CAP2: variants seen among roughly 807,000 people sequenced by gnomAD.
The protein encoded by CAP2 is cyclase associated actin cytoskeleton regulatory protein 2.
Under a neutral mutation model 57.7 loss-of-function variants are expected in CAP2, and 24 were observed. The ratio of observed to expected loss-of-function variants is 0.42; its 90% CI spans 0.30 to 0.58. The LOEUF is 0.58. Among genes scored for constraint, CAP2 ranks in the 20% least tolerant of loss-of-function variants. The probability of loss-of-function intolerance (pLI) is 0.22; values close to 1 mark genes in which losing one functional copy is unlikely to be tolerated. For synonymous variants in CAP2, 194 were observed against 207.2 expected (o/e 0.94, Z 0.55); for missense variants, 501 against 590.3 (o/e 0.85, Z 1.57).
At chr6:17,487,750 C>G (rs1761453595) in intron 4 of CAP2, among the ~76,000 whole-genome samples, 2 of 152,146 alleles carry the variant, frequency 1.3e-5, no homozygotes, top group Non-Finnish European at 2.9e-5. Context: ...GGATTTCAGA[C>G]ATGAGCCACC....
At chr6:17,505,815 C>T (rs940864281) in intron 4 of CAP2, among the ~76,000 whole-genome samples, 2 of 152,172 alleles carry the variant, frequency 1.3e-5, no homozygotes, top group Non-Finnish European at 2.9e-5. Context: ...TTTAAAGCAA[C>T]TGTGGTATTC....
intron 7 of CAP2, among the ~76,000 whole-genome samples, chr6:17,535,432 G>A (rs1447141124): frequency 1.3e-5 from 2 of 151,902 alleles, no homozygotes; most frequent in African/African-American, 4.8e-5. Context: ...CCACCACCAC[G>A]CCAGGCTAAT....
chr6:17,541,063 A>G lies in CAP2; in HGVS notation c.917A>G (p.His306Arg), dbSNP rs1197066066. The G allele has an allele frequency of 1.9e-6, 3 of 1,613,984 alleles. No individual in the cohort carries two copies. Among genetic ancestry groups the G allele is most frequent in the African/African-American group, 2.7e-5 (2 of 74,922 alleles). ...CAAACTCAATCTCCCACCAAAAGTC[A>G]CACTCCAAGTCCCACATCTCCTAAA... ...GGQTQSPTKS[H>R]TPSPTSPKSY... Residue 306 changes from histidine (H) to arginine (R), a missense_variant, in exon 9 of 13, where the codon CAC becomes CGC. Physicochemically the swap from His to Arg is conservative, Grantham distance 29. Transcript: ENST00000229922.
At chr6:17,524,935 C>G (rs1463780460) in intron 7 of CAP2, among the ~76,000 whole-genome samples, 2 of 149,484 alleles carry the variant, frequency 1.3e-5, no homozygotes, top group Admixed American at 1.3e-4. Context: ...CTCTTGTCAC[C>G]CAGGCTGGAG....
At chr6:17,428,321 A>G (rs989709297) in intron 3 of CAP2, among the ~76,000 whole-genome samples, 5 of 152,188 alleles carry the variant, frequency 3.3e-5, no homozygotes, top group African/African-American at 1.2e-4. Context: ...GCATTCATTT[A>G]GTGAAAATCG....
Position 17,542,980 on chromosome 6 carries a change from C to T in CAP2, c.1126+20C>T. ...TAATTGGTAGGGCAGAATTATGGCTCTATGGTTATTATGATGTTTTATAAA... is the reference window on the plus strand; with the variant it reads ...TAATTGGTAGGGCAGAATTATGGCTTTATGGTTATTATGATGTTTTATAAA... On this transcript the variant is annotated intron_variant, in intron 10 of 12. Transcript: ENST00000229922. 6.2e-7 allele frequency: 1 copy of T among 1,613,154 alleles called. No homozygotes were observed. The highest frequency in any genetic ancestry group is 8.5e-7 in the Non-Finnish European group (1 of 1,179,258).
At chr6:17,545,946 TG>T (rs1468506790) in intron 11 of CAP2, among the ~76,000 whole-genome samples, 1 of 152,264 alleles carries the variant, frequency 6.6e-6, no homozygotes, top group African/African-American at 2.4e-5. Context: ...CTATCATTGT[TG>T]GACATTTGGG....
intron 1 of CAP2, among the ~76,000 whole-genome samples, chr6:17,406,756 C>T (rs1758989974): frequency 1.3e-5 from 2 of 152,224 alleles, no homozygotes; most frequent in South Asian, 2.1e-4. Flanking sequence ...CCACACAGTT[C>T]TGTGACTACG....
intron 1 of CAP2, among the ~76,000 whole-genome samples, chr6:17,410,378 C>T (rs1294967943): frequency 6.6e-6 from 1 of 152,098 alleles, no homozygotes; most frequent in Non-Finnish European, 1.5e-5. Flanking sequence ...TTTAAGAAGG[C>T]TCACCTCTCC....
intron 3 of CAP2, among the ~76,000 whole-genome samples, chr6:17,436,086 TTTCC>T (rs745555651): frequency 0.033 from 4,477 of 133,860 alleles, 92 homozygotes; most frequent in African/African-American, 0.036. Context: ...TCTTTCTTTC[TTTCC>T]TTCCTTCCTT....
At chr6:17,511,267 A>G (rs768893198) in intron 6 of CAP2, among the ~76,000 whole-genome samples, 11 of 151,832 alleles carry the variant, frequency 7.2e-5, no homozygotes, top group Non-Finnish European at 1.3e-4. Flanking sequence ...GGTGGACTCA[A>G]GCCCGTGGTG....
intron 5 of CAP2, 29 bp from the exon 6 acceptor site, chr6:17,507,612 A>C: frequency 7.5e-7 from 1 of 1,339,032 alleles, no homozygotes. Context: ...TTTTCCTTCT[A>C]TGCTTGGGTG....
In CAP2 at chr6:17,484,322, C is replaced by T. The variant is rs116253690; in HGVS notation, c.300+21249C>T. Among the ~76,000 whole-genome samples the T allele has an allele frequency of 2.1e-3, 313 of 152,242 alleles. 2 individuals are homozygous for T. The highest frequency in any genetic ancestry group is 7.3e-3 in the African/African-American group (303 of 41,558). On this transcript the variant is annotated intron_variant, in intron 4 of 12. Transcript: ENST00000229922. ...TTCAGTGCTTGGGTGGCTCCCCCTTCTCACGCAAGGCCTTGTCACAAGCTC... is the reference window on the plus strand; with the variant it reads ...TTCAGTGCTTGGGTGGCTCCCCCTTTTCACGCAAGGCCTTGTCACAAGCTC...
intron 4 of CAP2, among the ~76,000 whole-genome samples, chr6:17,494,010 C>T (rs1761606113): frequency 6.6e-6 from 1 of 152,148 alleles, no homozygotes; most frequent in South Asian, 2.1e-4. Context: ...TCCTCATTTG[C>T]TTTGATACCC....
At chr6:17,394,910 G>C (rs764442870) in intron 1 of CAP2, among the ~76,000 whole-genome samples, 2 of 152,222 alleles carry the variant, frequency 1.3e-5, no homozygotes. Context: ...GACAATAAAA[G>C]TGTGTGAAAT....
intron 3 of CAP2, among the ~76,000 whole-genome samples, chr6:17,429,192 G>A (rs554999255): frequency 6.6e-6 from 1 of 152,258 alleles, no homozygotes; most frequent in Non-Finnish European, 1.5e-5. Context: ...ATTCTGAGGC[G>A]TGATAACTCC....
At chr6:17,552,076 C>A (rs901882918) in intron 12 of CAP2, among the ~76,000 whole-genome samples, 3 of 152,134 alleles carry the variant, frequency 2.0e-5, no homozygotes, top group Non-Finnish European at 2.9e-5. Context: ...AATCTTCCAG[C>A]TGGAGGTTGG....
At chr6:17,493,460 C>A in intron 4 of CAP2, 1 of 255,228 alleles carries the variant, frequency 3.9e-6, no homozygotes. Flanking sequence ...CAGACTGTAC[C>A]CATAATGGAG....
intron 1 of CAP2, among the ~76,000 whole-genome samples, chr6:17,417,309 T>C (rs551289867): frequency 6.6e-6 from 1 of 151,528 alleles, no homozygotes; most frequent in South Asian, 2.1e-4. Context: ...AGGGTCTCAT[T>C]TTTTCACTCA....
Sources: allele counts gnomAD v4.1 joint callset (sites outside exome capture counted in the v4.1 genomes callset), GRCh38; gene constraint gnomAD v4.1.1; transcripts MANE v1.5; gene names NCBI Gene and HGNC (gene_info 2026-07-23, HGNC 2026-07-21).